The following MYOM1 variants were observed in gnomAD, a reference collection of about 807,000 sequenced individuals.
MYOM1 encodes the protein myomesin-1.
MYOM1 carries 164 observed loss-of-function variants against 205.3 expected under a neutral mutation model. That is an observed-to-expected ratio of 0.80 (90% CI 0.70 to 0.91). The LOEUF (loss-of-function observed/expected upper bound fraction) is 0.91, where lower values mean the gene tolerates loss of function less well. MYOM1 is among the 40% of genes least tolerant of loss of function. The probability of loss-of-function intolerance (pLI) is 0.00; values close to 1 mark genes in which losing one functional copy is unlikely to be tolerated. For synonymous variants in MYOM1, 772 were observed against 789.4 expected (o/e 0.98, Z 0.37); for missense variants, 2,011 against 2,127.3 (o/e 0.95, Z 1.08).
At chr18:3,194,905 T>C in intron 2 of MYOM1, among the ~76,000 whole-genome samples, 1 of 104,394 alleles carries the variant, frequency 9.6e-6, no homozygotes, top group African/African-American at 5.3e-5. Context: ...TTTGAAACTA[T>C]TCTTAAAAAA....
rs111877487 is a variant in MYOM1 at position 3,092,268 on chromosome 18, C to T, written c.3865-1466G>A. ...CTGGAGTGCAGTGGTGCAATCATAG[C>T]TCACTGCAGCCTCGAACTCCTGGAC... On this transcript the variant is annotated intron_variant, in intron 26 of 37. Coordinates refer to ENST00000356443, the MANE Select transcript of MYOM1 (RefSeq NM_003803.4). Among the ~76,000 whole-genome samples the T allele has an allele frequency of 6.0e-3, 915 of 152,278 alleles. 7 individuals carry two copies. Among genetic ancestry groups the T allele is most frequent in the African/African-American group, 0.021 (881 of 41,556 alleles).
chr18:3,067,541 A>C lies in MYOM1; in HGVS notation c.4779T>G (p.Thr1593=), dbSNP rs746732752. ...TIQEGKALNL[T]CNVWGDPPPE... is the part of the protein sequence containing the mutation. ...GAGGCGGGTCTCCCCACACGTTGCAAGTGAGATTAAGGGCCTGCAAGACAG... is the reference window on the plus strand; with the variant it reads ...GAGGCGGGTCTCCCCACACGTTGCACGTGAGATTAAGGGCCTGCAAGACAG... The change falls in exon 38 of 38, where the codon ACT becomes ACG. Residue 1593 remains threonine, a synonymous_variant. Transcript: ENST00000356443. 1.1e-5 allele frequency: 17 copies of C among 1,613,176 alleles called. No homozygotes were observed.
chr18:3,070,754 G>A (rs558502709), intron 37 of MYOM1, among the ~76,000 whole-genome samples: 8 of 151,562 alleles, frequency 5.3e-5, no homozygotes, highest in Non-Finnish European at 1.2e-4. Context: ...GTGTGTGTGT[G>A]TGTGTGTGTG....
chr18:3,089,191 C>T lies in MYOM1; in HGVS notation c.4120G>A (p.Val1374Ile), dbSNP rs776814232. The change falls in exon 29 of 38, where the codon GTA becomes ATA. Residue 1374 changes from valine (V) to isoleucine (I), a missense_variant. Transcript: ENST00000356443. Reference sequence around the variant, plus strand: ...CCTCTTACCTTGCATTTCAATAGTACATTACATTCACCAGTCACTTCCCAG... The same window carrying T: ...CCTCTTACCTTGCATTTCAATAGTATATTACATTCACCAGTCACTTCCCAG... ...LSWEVTGECN[V>I]LLKCKVANIK... The T allele has an allele frequency of 1.9e-5, 31 of 1,610,924 alleles. No homozygotes were observed. The Admixed American group carries it at 3.7e-4, about 19-fold the overall frequency.
intron 36 of MYOM1, among the ~76,000 whole-genome samples, chr18:3,072,873 C>T (rs906109157): frequency 6.6e-6 from 1 of 151,502 alleles, no homozygotes. Flanking sequence ...AGCCTCCAAG[C>T]GTAGCTTGGC....
At chr18:3,113,279 T>C (rs1409125280) in intron 21 of MYOM1, among the ~76,000 whole-genome samples, 1 of 140,426 alleles carries the variant, frequency 7.1e-6, no homozygotes, top group Non-Finnish European at 1.5e-5. Flanking sequence ...TGTATATATA[T>C]GTGTGTATGT....
At chr18:3,186,290 T>G (rs188509840) in intron 5 of MYOM1, among the ~76,000 whole-genome samples, 1 of 151,912 alleles carries the variant, frequency 6.6e-6, no homozygotes, top group Non-Finnish European at 1.5e-5. Context: ...TGATCAACAT[T>G]AGAAATAACA....
chr18:3,095,864 C>T (rs1251105890), intron 25 of MYOM1, among the ~76,000 whole-genome samples: 1 of 152,194 alleles, frequency 6.6e-6, no homozygotes, highest in African/African-American at 2.4e-5. Context: ...GGCTAAGCTT[C>T]TCCCTTACAG....
At chr18:3,153,739 C>T (rs148691366) in intron 11 of MYOM1, among the ~76,000 whole-genome samples, 5 of 152,250 alleles carry the variant, frequency 3.3e-5, no homozygotes, top group South Asian at 2.1e-4. Context: ...TTATGTACTG[C>T]GAAGTTCAAC....
chr18:3,111,825 T>C lies in MYOM1; in HGVS notation c.3418+473A>G, dbSNP rs539658513. 2.6e-5 allele frequency among the ~76,000 whole-genome samples: 4 copies of C among 152,344 alleles called. No individual in the cohort carries two copies. In the South Asian group the frequency reaches 6.2e-4, roughly 24 times the overall value. Reference sequence around the variant, plus strand: ...CAGGGCTGTTGAGTGATAAATATTATCTGGCCCTCCACAGAAAAAGTTTGC... The same window carrying C: ...CAGGGCTGTTGAGTGATAAATATTACCTGGCCCTCCACAGAAAAAGTTTGC... On this transcript the variant is annotated intron_variant, in intron 22 of 37. Transcript: ENST00000356443.
chr18:3,162,834 G>T (rs546910317), intron 10 of MYOM1, among the ~76,000 whole-genome samples: 2 of 152,194 alleles, frequency 1.3e-5, no homozygotes, highest in South Asian at 4.2e-4. Context: ...GACCATCCTG[G>T]CTAACACGGT....
intron 13 of MYOM1, among the ~76,000 whole-genome samples, chr18:3,148,807 T>C (rs376263841): frequency 0.015 from 1,829 of 122,924 alleles, 26 homozygotes; most frequent in African/African-American, 0.048. Flanking sequence ...GATCGCACCA[T>C]TGCACTCCAC....
chr18:3,236,171 C>T, the MYOM1 span, among the ~76,000 whole-genome samples: 643 of 152,286 alleles, frequency 4.2e-3, 4 homozygotes, highest in African/African-American at 0.015. Context: ...GGACACTTCA[C>T]TTCACCATGG....
intron 1 of MYOM1, among the ~76,000 whole-genome samples, chr18:3,217,543 T>C (rs1238267973): frequency 6.6e-6 from 1 of 152,176 alleles, no homozygotes; most frequent in Non-Finnish European, 1.5e-5. Context: ...TACATGACTC[T>C]GGAGTGCAGG....
At chr18:3,129,134 T>C (rs2079837159) in intron 18 of MYOM1, 98 bp downstream of exon 18, 2 of 1,413,076 alleles carry the variant, frequency 1.4e-6, no homozygotes, top group Non-Finnish European at 1.9e-6. Flanking sequence ...GAATGGACAT[T>C]GATGAAAGCA....
chr18:3,204,449 A>G (rs1326507912), intron 2 of MYOM1, among the ~76,000 whole-genome samples: 1 of 151,990 alleles, frequency 6.6e-6, no homozygotes, highest in Non-Finnish European at 1.5e-5. Context: ...TAATCCAAAA[A>G]TTAAATTAAG....
chr18:3,149,580 T>C (rs1598723859), intron 12 of MYOM1, among the ~76,000 whole-genome samples: 1 of 152,138 alleles, frequency 6.6e-6, no homozygotes, highest in African/African-American at 2.4e-5. Flanking sequence ...TCCAGAACAA[T>C]TGTAAGCCCA....
At chr18:3,199,599 T>C (rs894324877) in intron 2 of MYOM1, among the ~76,000 whole-genome samples, 3 of 152,140 alleles carry the variant, frequency 2.0e-5, no homozygotes, top group African/African-American at 4.8e-5. Flanking sequence ...CCCAGCACTT[T>C]GGGAGGCCAA....
intron 27 of MYOM1, among the ~76,000 whole-genome samples, chr18:3,090,093 GT>G (rs1177229103): frequency 5.3e-5 from 8 of 151,888 alleles, no homozygotes; most frequent in African/African-American, 1.7e-4. Context: ...ATAAACATTT[GT>G]TTATATATGA....
Sources: gnomAD v4.1 joint callset for allele counts (sites outside exome capture counted in the v4.1 genomes callset) on GRCh38, gnomAD v4.1.1 for gene constraint, MANE v1.5 for transcripts, NCBI Gene and HGNC (gene_info 2026-07-23, HGNC 2026-07-21) for gene names.